Variants in LRRC1 observed in about 807,000 individuals in gnomAD.
LRRC1 encodes leucine rich repeat containing 1, also known as leucine-rich repeat-containing protein 1.
A neutral mutation model predicts 69.9 loss-of-function variants in LRRC1; 28 were observed. That is an observed-to-expected ratio of 0.40 (90% CI 0.30 to 0.55). LRRC1 has a LOEUF of 0.55. Ranked by LOEUF, LRRC1 falls within the 20% of genes least tolerant of loss-of-function variation. The pLI is 0.47. For synonymous variants in LRRC1, 236 were observed against 240.2 expected, an observed-to-expected ratio of 0.98 and a Z score of 0.16; for missense variants, 498 against 609.0, an observed-to-expected ratio of 0.82 and a Z score of 1.92.
chr6:53,865,517 C>T (rs905720410), intron 2 of LRRC1, among the ~76,000 whole-genome samples: 1 of 152,026 alleles, frequency 6.6e-6, no homozygotes, highest in Admixed American at 6.5e-5. Flanking sequence ...CTCTGGACCT[C>T]TTGATGGGAC....
At chr6:53,828,808 TGAAA>T (rs1046735068) in intron 1 of LRRC1, among the ~76,000 whole-genome samples, 32 of 152,246 alleles carry the variant, frequency 2.1e-4, no homozygotes, top group African/African-American at 7.7e-4. Context: ...TTTTTGAAAA[TGAAA>T]GAAGTCTTAA....
intron 10 of LRRC1, among the ~76,000 whole-genome samples, chr6:53,910,633 A>G (rs1768378225): frequency 6.6e-6 from 1 of 152,222 alleles, no homozygotes; most frequent in African/African-American, 2.4e-5. Context: ...TAGCTACCAC[A>G]TTTATTTGGC....
chr6:53,883,648 T>C (rs1218890646), intron 4 of LRRC1, among the ~76,000 whole-genome samples: 1 of 152,236 alleles, frequency 6.6e-6, no homozygotes, highest in African/African-American at 2.4e-5. Flanking sequence ...CTTTTTTCAC[T>C]TTTTCAGGAC....
chr6:53,921,471 A>G (rs778789405), intron 13 of LRRC1, among the ~76,000 whole-genome samples: 1 of 152,166 alleles, frequency 6.6e-6, no homozygotes, highest in Non-Finnish European at 1.5e-5. Context: ...TCATGTAACC[A>G]GCTCACCTTA....
In LRRC1 at chr6:53,919,377, A is replaced by G. The variant is rs536286866; in HGVS notation, c.1107-121A>G. 3.7e-6 allele frequency: 3 copies of G among 815,030 alleles called. No individual in the cohort carries two copies. The African/African-American group carries it at 5.3e-5, about 14-fold the overall frequency. The allele number at this position is 815,030 out of a possible 1,614,324, so 50.5% of individuals were successfully genotyped here. A position where few individuals can be genotyped will look rare whatever the true frequency, so the allele number is the denominator to read the frequency against. Reference sequence around the variant, plus strand: ...CTTAAAAACATAACACCGTTTTTACATTTTGAAACCAATCTCAGGAAGCTC... The same window carrying G: ...CTTAAAAACATAACACCGTTTTTACGTTTTGAAACCAATCTCAGGAAGCTC... On this transcript the variant is annotated intron_variant, in intron 11 of 13. Transcript: ENST00000370888.
intron 4 of LRRC1, chr6:53,883,956 A>G (rs1767384137): frequency 1.4e-6 from 1 of 718,068 alleles, no homozygotes; most frequent in Non-Finnish European, 2.6e-6. Flanking sequence ...TTCAGGCAGA[A>G]GACAACTAGC....
chr6:53,837,997 G>A (rs868461810), intron 1 of LRRC1, among the ~76,000 whole-genome samples: 1 of 152,168 alleles, frequency 6.6e-6, no homozygotes, highest in Admixed American at 6.5e-5. Context: ...TGTGTGTTCT[G>A]TCACATGGTT....
intron 8 of LRRC1, among the ~76,000 whole-genome samples, chr6:53,900,448 C>T (rs1366178354): frequency 1.3e-5 from 2 of 152,190 alleles, no homozygotes; most frequent in Non-Finnish European, 2.9e-5. Context: ...GCTGTCGTTA[C>T]TTTTAAGCAT....
chr6:53,869,317 GA>G (rs1766806556), intron 2 of LRRC1, among the ~76,000 whole-genome samples: 3 of 152,048 alleles, frequency 2.0e-5, no homozygotes, highest in Non-Finnish European at 4.4e-5. Context: ...GGGTCTGGGG[GA>G]AATACTCAAA....
chr6:53,815,008 T>C (rs1453748959), intron 1 of LRRC1, among the ~76,000 whole-genome samples: 1 of 152,170 alleles, frequency 6.6e-6, no homozygotes, highest in Non-Finnish European at 1.5e-5. Flanking sequence ...CTTTGGCTGG[T>C]CACTTGTTGC....
chr6:53,859,592 C>G (rs931042709), intron 2 of LRRC1, among the ~76,000 whole-genome samples: 2 of 152,100 alleles, frequency 1.3e-5, no homozygotes, highest in African/African-American at 4.8e-5. Context: ...GGCTTTACTA[C>G]GTCCAGAAAA....
At chr6:53,818,017 A>G (rs1336802902) in intron 1 of LRRC1, among the ~76,000 whole-genome samples, 1 of 152,248 alleles carries the variant, frequency 6.6e-6, no homozygotes, top group Non-Finnish European at 1.5e-5. Context: ...ATATATGGAC[A>G]TGGTAAGACA....
intron 1 of LRRC1, among the ~76,000 whole-genome samples, chr6:53,830,123 G>A (rs914838477): frequency 1.1e-4 from 16 of 152,336 alleles, no homozygotes; most frequent in African/African-American, 3.8e-4. Context: ...TGGGTGGCCT[G>A]CGGGCCACTA....
At chr6:53,824,494 A>C (rs1242628301) in intron 1 of LRRC1, among the ~76,000 whole-genome samples, 1 of 152,112 alleles carries the variant, frequency 6.6e-6, no homozygotes, top group Non-Finnish European at 1.5e-5. Flanking sequence ...TGGTTTAATG[A>C]GATCCCATTT....
rs188937627 is a variant in LRRC1 at position 53,834,354 on chromosome 6, G to T, written c.160-7756G>T. Among the ~76,000 whole-genome samples, 4 of 152,164 alleles carry T rather than the reference G, an allele frequency of 2.6e-5. No homozygotes were observed. In the East Asian group the frequency reaches 7.7e-4, roughly 29 times the overall value. On this transcript the variant is annotated intron_variant, in intron 1 of 13. Coordinates refer to ENST00000370888, the MANE Select transcript of LRRC1 (RefSeq NM_018214.5). ...TTTCATTAGCATGCTCTTTTCTTCC[G>T]CTCGCAACTTGTCAATCAAGATGGA...
intron 1 of LRRC1, among the ~76,000 whole-genome samples, chr6:53,805,467 C>T (rs759579558): frequency 6.6e-6 from 1 of 152,162 alleles, no homozygotes; most frequent in Non-Finnish European, 1.5e-5. Context: ...CATGGATCAG[C>T]ACCCCCACCT....
At chr6:53,807,998 G>C (rs921926426) in intron 1 of LRRC1, among the ~76,000 whole-genome samples, 1 of 152,244 alleles carries the variant, frequency 6.6e-6, no homozygotes, top group Non-Finnish European at 1.5e-5. Flanking sequence ...GGAAATCCAG[G>C]TGAGGATATT....
chr6:53,910,208 A>T (rs1396069288), intron 10 of LRRC1, among the ~76,000 whole-genome samples: 1 of 152,216 alleles, frequency 6.6e-6, no homozygotes, highest in Non-Finnish European at 1.5e-5. Context: ...AGAGAATCCA[A>T]GTCCAACCCC....
intron 1 of LRRC1, among the ~76,000 whole-genome samples, chr6:53,834,455 AG>A (rs1433247042): frequency 3.3e-5 from 5 of 152,166 alleles, no homozygotes; most frequent in African/African-American, 9.6e-5. Flanking sequence ...AGCATGACTT[AG>A]TTTTGGTTAG....
Sources: allele counts gnomAD v4.1 joint callset (sites outside exome capture counted in the v4.1 genomes callset), GRCh38; gene constraint gnomAD v4.1.1; transcripts MANE v1.5; gene names NCBI Gene and HGNC (gene_info 2026-07-23, HGNC 2026-07-21).